The following CORO2B variants were observed in gnomAD, a reference collection of about 807,000 sequenced individuals.
CORO2B encodes coronin 2B, also known as coronin-2B.
A neutral mutation model predicts 58.8 loss-of-function variants in CORO2B; 26 were observed. The ratio of observed to expected loss-of-function variants is 0.44; its 90% CI spans 0.32 to 0.61. The LOEUF is 0.61. CORO2B is among the 20% of genes least tolerant of loss of function. The pLI, the probability that CORO2B is intolerant of heterozygous loss-of-function variation, is 0.04. For synonymous variants in CORO2B, 242 were observed against 253.8 expected, an observed-to-expected ratio of 0.95 and a Z score of 0.44; for missense variants, 460 against 645.1, an observed-to-expected ratio of 0.71 and a Z score of 3.11.
At chr15:68,722,750 T>C (rs1893192710) in intron 11 of CORO2B, among the ~76,000 whole-genome samples, 1 of 152,210 alleles carries the variant, frequency 6.6e-6, no homozygotes, top group Non-Finnish European at 1.5e-5. Flanking sequence ...TTTTTTTAAG[T>C]TATATTTTTT....
intron 3 of CORO2B, among the ~76,000 whole-genome samples, chr15:68,708,471 C>A (rs1164938658): frequency 6.6e-6 from 1 of 151,408 alleles, no homozygotes; most frequent in Non-Finnish European, 1.5e-5. Flanking sequence ...CACCATTCTC[C>A]TGCCTCAGCA....
intron 3 of CORO2B, among the ~76,000 whole-genome samples, chr15:68,705,416 C>T (rs1286073914): frequency 9.7e-6 from 1 of 103,166 alleles, no homozygotes; most frequent in Non-Finnish European, 1.9e-5. Flanking sequence ...CTAGCCTGGG[C>T]AAAAGGTGAA....
At chr15:68,576,470 G>A (rs750736357), upstream of CORO2B, among the ~76,000 whole-genome samples, 18 of 152,210 alleles carry the variant, frequency 1.2e-4, no homozygotes, top group African/African-American at 3.1e-4. Context: ...CCACAACAAC[G>A]GCGGATGGCG....
chr15:68,524,671 G>A, the CORO2B span, among the ~76,000 whole-genome samples: 32 of 152,150 alleles, frequency 2.1e-4, no homozygotes, highest in Non-Finnish European at 4.0e-4. Context: ...TTCTAAGGCC[G>A]GTAATTAGGT....
At chr15:68,632,266 A>G (rs1900860593) in intron 1 of CORO2B, 1 of 985,398 alleles carries the variant, frequency 1.0e-6, no homozygotes, top group Non-Finnish European at 1.2e-6. Context: ...GGCAGCCCTG[A>G]CAACTTGGAT....
upstream of CORO2B, among the ~76,000 whole-genome samples, chr15:68,576,152 CA>C (rs3985627): frequency 0.038 from 2,339 of 61,890 alleles, 8 homozygotes; most frequent in Middle Eastern, 0.074. Context: ...GACTACGTCG[CA>C]AAAAAAAAAA....
the CORO2B span, chr15:68,559,533 G>A: frequency 2.1e-6 from 2 of 955,884 alleles, no homozygotes; most frequent in Non-Finnish European, 2.5e-6. This position sits in a 1 kb window ranked among gnomAD's most constrained non-coding sequence, Gnocchi z 4.3. Context: ...AGCGGGGAGG[G>A]CGAAGTTGAC....
rs115079077 is a variant in CORO2B, at chr15:68,594,632, G to A, written c.15+15355G>A. 4.5e-3 allele frequency among the ~76,000 whole-genome samples: 689 copies of A among 152,314 alleles called. 8 individuals carry two copies. The highest frequency in any genetic ancestry group is 0.016 in the African/African-American group (661 of 41,562). On this transcript the variant is annotated intron_variant, in intron 1 of 11. Coordinates refer to ENST00000261861, the MANE Select transcript of CORO2B (RefSeq NM_006091.5). ...TGCAGGAATATGAGAAAGGGGCTCT[G>A]TTTATTGAACTCATCCTCCAGGGCA...
intron 1 of CORO2B, among the ~76,000 whole-genome samples, chr15:68,617,089 GTGT>G (rs1054767259): frequency 3.2e-4 from 49 of 152,186 alleles, no homozygotes; most frequent in Admixed American, 3.3e-4. Flanking sequence ...AATGGTCCAG[GTGT>G]TGTTGGGACT....
chr15:68,678,383 CAG>C (rs1398426834), intron 2 of CORO2B, among the ~76,000 whole-genome samples: 1 of 152,160 alleles, frequency 6.6e-6, no homozygotes, highest in African/African-American at 2.4e-5. Flanking sequence ...CGGGCAATAA[CAG>C]AGAAAAGACA....
At chr15:68,722,172 G>A (rs911115375) in intron 11 of CORO2B, among the ~76,000 whole-genome samples, 1 of 152,216 alleles carries the variant, frequency 6.6e-6, no homozygotes, top group African/African-American at 2.4e-5. Context: ...TCTGGAGAAG[G>A]CAGGGTTGAA....
At chr15:68,615,145 G>A (rs1388952388) in intron 1 of CORO2B, among the ~76,000 whole-genome samples, 1 of 152,202 alleles carries the variant, frequency 6.6e-6, no homozygotes, top group Non-Finnish European at 1.5e-5. Context: ...GACAGCCAGA[G>A]AAATGATCCT....
At chr15:68,667,622 G>A (rs1268571964) in intron 2 of CORO2B, among the ~76,000 whole-genome samples, 1 of 152,220 alleles carries the variant, frequency 6.6e-6, no homozygotes, top group African/African-American at 2.4e-5. Context: ...GGAGTGGGAC[G>A]GGTGAGGCCC....
At chr15:68,524,155 G>A in the CORO2B span, among the ~76,000 whole-genome samples, 1 of 152,100 alleles carries the variant, frequency 6.6e-6, no homozygotes, top group Non-Finnish European at 1.5e-5. Context: ...GAGCCCAGGA[G>A]GTGGCAGTGA....
chr15:68,616,344 T>A (rs771148118), intron 1 of CORO2B, among the ~76,000 whole-genome samples: 50 of 152,364 alleles, frequency 3.3e-4, no homozygotes, highest in Non-Finnish European at 1.2e-4. Context: ...CTGGTCATCC[T>A]AGTTTCTTCT....
At chr15:68,568,928 C>T in the CORO2B span, among the ~76,000 whole-genome samples, 5 of 152,030 alleles carry the variant, frequency 3.3e-5, no homozygotes, top group South Asian at 6.2e-4. Flanking sequence ...ACATGGTACA[C>T]GTTTACCTAT....
At chr15:68,691,866 A>C (rs998157423) in intron 2 of CORO2B, among the ~76,000 whole-genome samples, 1 of 152,084 alleles carries the variant, frequency 6.6e-6, no homozygotes, top group African/African-American at 2.4e-5. Flanking sequence ...ATGGCCACCT[A>C]TTGACTGGTT....
At chr15:68,652,862 G>GC (rs1901684464) in intron 2 of CORO2B, among the ~76,000 whole-genome samples, 1 of 152,330 alleles carries the variant, frequency 6.6e-6, no homozygotes, top group South Asian at 2.1e-4. Context: ...TCATGTGCCT[G>GC]CCCACCTTAC....
At chr15:68,664,615 C>T (rs1241495581) in intron 2 of CORO2B, among the ~76,000 whole-genome samples, 2 of 152,012 alleles carry the variant, frequency 1.3e-5, no homozygotes, top group South Asian at 2.1e-4. Context: ...CCACTGTACT[C>T]CAGCCTGAGG....
Sources: allele counts gnomAD v4.1 joint callset (sites outside exome capture counted in the v4.1 genomes callset), GRCh38; gene constraint gnomAD v4.1.1; non-coding constraint Gnocchi (gnomAD v3.1); transcripts MANE v1.5; gene names NCBI Gene and HGNC (gene_info 2026-07-23, HGNC 2026-07-21).